The following CLNK variants were observed in gnomAD, a reference collection of about 807,000 sequenced individuals.
The protein encoded by CLNK is cytokine dependent hematopoietic cell linker.
CLNK carries 74 observed loss-of-function variants against 68.6 expected under a neutral mutation model. The observed-to-expected ratio is 1.08, with a 90% CI of 0.89 to 1.31. The LOEUF is 1.31. CLNK is among the 50% of genes most tolerant of loss of function. The probability of loss-of-function intolerance (pLI) is 0.00; values close to 1 mark genes in which losing one functional copy is unlikely to be tolerated. For synonymous variants in CLNK, 198 were observed against 172.2 expected (o/e 1.15, Z -1.17); for missense variants, 553 against 515.3 (o/e 1.07, Z -0.71).
At chr4:10,614,892 A>G (rs937020271) in intron 2 of CLNK, among the ~76,000 whole-genome samples, 1 of 152,222 alleles carries the variant, frequency 6.6e-6, no homozygotes, top group African/African-American at 2.4e-5. Flanking sequence ...AGATTAGAAG[A>G]GCAAAGAAGG....
At chr4:10,564,608 G>T (rs1720028239) in intron 7 of CLNK, 63 bp downstream of exon 7, 1 of 1,197,218 alleles carries the variant, frequency 8.4e-7, no homozygotes, top group Non-Finnish European at 1.2e-6. Context: ...AGATGGGGCA[G>T]TTTCTAGCTG....
Position 10,518,422 on chromosome 4 carries a change from A to G in CLNK, c.772+2369T>C, listed in dbSNP as rs187441445. 1.9e-4 allele frequency among the ~76,000 whole-genome samples: 29 copies of G among 152,308 alleles called. No individual in the cohort carries two copies. The East Asian group carries it at 4.8e-3, about 25-fold the overall frequency. On this transcript the variant is annotated intron_variant, in intron 15 of 18. Transcript: ENST00000226951. ...AATAAATATTTATTAGAAAAATTTA[A>G]TTTACCCTTATACACAATTTAAAAC...
In CLNK at chr4:10,540,574, T is replaced by C. The variant is rs1350716637; in HGVS notation, c.522A>G (p.Gln174=). The C allele has an allele frequency of 6.2e-7, 1 of 1,613,728 alleles. No homozygotes were observed. The highest frequency in any genetic ancestry group is 1.7e-5 in the Admixed American group (1 of 59,982). The part of the protein sequence containing the change: ...RPLITLPKKY[Q]PLPPEPESSR... ...TGCTCTCCGGCTCAGGGGGCAAGGG[T>C]TGGTACTTCTTCGGAAGTGTTATGA... is the stretch of plus-strand genomic sequence containing the variant. Residue 174 remains glutamine (Q), a synonymous_variant, in exon 11 of 19, where the codon CAA becomes CAG. Coordinates refer to ENST00000226951, the MANE Select transcript of CLNK (RefSeq NM_052964.4).
intron 2 of CLNK, among the ~76,000 whole-genome samples, chr4:10,641,202 G>A (rs1416289725): frequency 6.6e-6 from 1 of 152,084 alleles, no homozygotes; most frequent in African/African-American, 2.4e-5. Context: ...TTGGGGTGTG[G>A]GGAGGCTTAC....
At chr4:10,702,862 T>G in the CLNK span, among the ~76,000 whole-genome samples, 1 of 152,134 alleles carries the variant, frequency 6.6e-6, no homozygotes, top group Admixed American at 6.5e-5. Context: ...GAGCTGCACT[T>G]TCCCTTCTCA....
In CLNK at chr4:10,488,609, G is replaced by T. The variant is rs549058381; in HGVS notation, c.*1858C>A. On this transcript the variant is annotated 3_prime_UTR_variant, in exon 19 of 19. Transcript: ENST00000226951. ...GTAATCCTCTGCAGGCATACTCTACGATAGGCTCAGCTGGGTCTCAAAAGT... is the reference window on the plus strand; with the variant it reads ...GTAATCCTCTGCAGGCATACTCTACTATAGGCTCAGCTGGGTCTCAAAAGT... The T allele has an allele frequency of 6.6e-6, 1 of 152,162 alleles. No individual in the cohort carries two copies. The highest frequency in any genetic ancestry group is 1.5e-5 in the Non-Finnish European group (1 of 68,026). The allele number at this position is 152,162 out of a possible 1,614,324, so 9.4% of individuals were successfully genotyped here.
At chr4:10,509,505 G>T (rs895789830) in intron 16 of CLNK, among the ~76,000 whole-genome samples, 13 of 149,356 alleles carry the variant, frequency 8.7e-5, no homozygotes, top group African/African-American at 2.9e-4. Context: ...TTTGCATCAA[G>T]ATTGGGACCA....
intron 2 of CLNK, among the ~76,000 whole-genome samples, chr4:10,604,058 C>G (rs1276186299): frequency 6.6e-6 from 1 of 152,158 alleles, no homozygotes; most frequent in Non-Finnish European, 1.5e-5. Context: ...GCAGCTATGC[C>G]AACTGAACAA....
the CLNK span, among the ~76,000 whole-genome samples, chr4:10,734,652 T>C: frequency 1.3e-5 from 2 of 152,224 alleles, no homozygotes; most frequent in Non-Finnish European, 2.9e-5. Context: ...GATGTCAAAA[T>C]TCCTGGTATT....
intron 2 of CLNK, among the ~76,000 whole-genome samples, chr4:10,650,562 C>T (rs1406700456): frequency 2.0e-5 from 3 of 151,810 alleles, no homozygotes; most frequent in Non-Finnish European, 4.4e-5. Flanking sequence ...CTGTTGTTTG[C>T]CAAAGGGAAT....
At chr4:10,638,286 G>A (rs1723174441) in intron 2 of CLNK, among the ~76,000 whole-genome samples, 1 of 152,224 alleles carries the variant, frequency 6.6e-6, no homozygotes, top group South Asian at 2.1e-4. Flanking sequence ...TATGTAGGAT[G>A]CCTGTGTAAT....
intron 18 of CLNK, among the ~76,000 whole-genome samples, chr4:10,500,172 C>T (rs1468125584): frequency 6.6e-6 from 1 of 152,184 alleles, no homozygotes; most frequent in African/African-American, 2.4e-5. Flanking sequence ...CTGGACTGAG[C>T]TCACATCCTT....
intron 2 of CLNK, among the ~76,000 whole-genome samples, chr4:10,660,983 A>G (rs910937475): frequency 3.3e-5 from 5 of 152,308 alleles, no homozygotes; most frequent in Non-Finnish European, 7.3e-5. Flanking sequence ...GAGTTGGTTC[A>G]TAATTACTTC....
chr4:10,723,770 C>T, the CLNK span, among the ~76,000 whole-genome samples: 6 of 152,094 alleles, frequency 3.9e-5, no homozygotes, highest in African/African-American at 7.2e-5. Context: ...ACAGCTTGTT[C>T]GGGAATAACT....
At chr4:10,707,461 G>A in the CLNK span, among the ~76,000 whole-genome samples, 1 of 152,206 alleles carries the variant, frequency 6.6e-6, no homozygotes, top group Non-Finnish European at 1.5e-5. Context: ...ATGCAAGATA[G>A]ACTAATGTCA....
chr4:10,507,379 G>A (rs1717348143), intron 17 of CLNK, among the ~76,000 whole-genome samples: 1 of 151,988 alleles, frequency 6.6e-6, no homozygotes, highest in African/African-American at 2.4e-5. Flanking sequence ...GCAAAGTGCT[G>A]GGATTACAGG....
the CLNK span, among the ~76,000 whole-genome samples, chr4:10,692,407 C>A: frequency 6.6e-6 from 1 of 152,256 alleles, no homozygotes; most frequent in Non-Finnish European, 1.5e-5. Flanking sequence ...AGTTGGTGAT[C>A]CCGTGACTCA....
At chr4:10,537,684 TTCCTTCCTTCCTTCCTTCCTTC>T (rs1560206920) in intron 11 of CLNK, among the ~76,000 whole-genome samples, 6 of 59,008 alleles carry the variant, frequency 1.0e-4, no homozygotes, top group Admixed American at 1.8e-4. Flanking sequence ...TCTTTCTTCC[TTCCTTCCTTCCTTCCTTCCTTC>T]CTTTCTTTCT....
chr4:10,705,795 G>A, the CLNK span, among the ~76,000 whole-genome samples: 4 of 152,174 alleles, frequency 2.6e-5, no homozygotes, highest in Admixed American at 2.6e-4. Flanking sequence ...CTTGGATTTA[G>A]GATATAAACA....
Sources: gnomAD v4.1 joint callset for allele counts (sites outside exome capture counted in the v4.1 genomes callset) on GRCh38, gnomAD v4.1.1 for gene constraint, MANE v1.5 for transcripts, NCBI Gene and HGNC (gene_info 2026-07-23, HGNC 2026-07-21) for gene names.